YARS2: variants seen among roughly 807,000 people sequenced by gnomAD.
The protein encoded by YARS2 is tyrosine--tRNA ligase, mitochondrial.
A neutral mutation model predicts 45.0 loss-of-function variants in YARS2; 38 were observed. That is an observed-to-expected ratio of 0.84 (90% CI 0.65 to 1.11). The LOEUF (loss-of-function observed/expected upper bound fraction) is 1.11. Among genes scored for constraint, YARS2 ranks in the 50% least tolerant of loss-of-function variants. The pLI is 0.00. For missense variants in YARS2, 602 were observed against 599.8 expected (o/e 1.00, Z -0.04); for synonymous variants, 287 against 245.1 (o/e 1.17, Z -1.60).
chr12:32,749,909 T>C (rs1955705879), intron 4 of YARS2, 28 bp downstream of exon 4: 2 of 1,613,246 alleles, frequency 1.2e-6, no homozygotes, highest in African/African-American at 1.3e-5. Context: ...GTGAATTAAC[T>C]GTAAATCTAA....
At chr12:32,752,740 CA>C (rs56907654) in intron 2 of YARS2, 11,111 of 194,116 alleles carry the variant, frequency 0.057, 2 homozygotes, top group South Asian at 0.082. Context: ...GACACTGCCT[CA>C]AAAAAAAAAA....
At chr12:32,751,319 C>G (rs928076300) in intron 2 of YARS2, among the ~76,000 whole-genome samples, 1 of 152,048 alleles carries the variant, frequency 6.6e-6, no homozygotes. Flanking sequence ...CCTCTTGTCT[C>G]AGCCTCCCAA....
chr12:32,755,431 A>G lies in YARS2; in HGVS notation c.444T>C (p.Leu148=). 6 of 1,613,398 alleles carry G rather than the reference A, an allele frequency of 3.7e-6. No homozygotes were observed. Among genetic ancestry groups the G allele is most frequent in the Non-Finnish European group, 5.1e-6 (6 of 1,179,876 alleles). The part of the protein sequence containing the change: ...RANARALRLG[L]EALAANHQQL... ...GCTGGTGATTAGCCGCCAGGGCCTC[A>G]AGCCCTAGGCGCAGAGCTCGCGCGT... The change falls in exon 1 of 5, where the codon CTT becomes CTC. Residue 148 remains leucine, a synonymous_variant. Coordinates refer to ENST00000324868, the MANE Select transcript of YARS2 (RefSeq NM_001040436.3).
At position 32,753,062 on chromosome 12, in the gene YARS2, C is replaced by A. The variant is rs1464056405; in HGVS notation, c.947+856G>T. The stretch of plus-strand genomic sequence containing the variant: ...GGGTGCGGGGGCTCATGCTGTAATC[C>A]CAGCACTTTGGGAGTCTGAGGCAGG... On this transcript the variant is annotated intron_variant, in intron 2 of 4. Transcript: ENST00000324868. Among the ~76,000 whole-genome samples the A allele has an allele frequency of 2.0e-5, 3 of 152,126 alleles. No individual in the cohort carries two copies. In the East Asian group the frequency reaches 5.8e-4, roughly 29 times the overall value.
Position 32,755,452 on chromosome 12 carries a change from C to T in YARS2, c.423G>A (p.Ala141=), listed in dbSNP as rs781363481. 9 of 1,612,732 alleles carry T rather than the reference C, an allele frequency of 5.6e-6. No homozygotes were observed. The highest frequency in any genetic ancestry group is 2.2e-5 in the South Asian group (2 of 91,062). ...ALETERVRAN[A]RALRLGLEAL... ...CCTCAAGCCCTAGGCGCAGAGCTCGCGCGTTGGCTCGCACGCGCTCTGTCT... is the reference window on the plus strand; with the variant it reads ...CCTCAAGCCCTAGGCGCAGAGCTCGTGCGTTGGCTCGCACGCGCTCTGTCT... Residue 141 remains alanine, a synonymous_variant, in exon 1 of 5, where the codon GCG becomes GCA. Transcript: ENST00000324868.
Position 32,755,280 on chromosome 12 carries a change from G to C in YARS2, c.595C>G (p.Leu199Val). Residue 199 changes from leucine (L) to valine (V), a missense_variant, in exon 1 of 5, where the codon CTG (leucine) becomes GTG (valine). Coordinates refer to ENST00000324868, the MANE Select transcript of YARS2 (RefSeq NM_001040436.3). The stretch of plus-strand genomic sequence containing the variant: ...CGCAGCTGCACGCTCTGCCGGCTCA[G>C]CAGCGTCCCCATGCGGAAGTGACCC... ...VGGHFRMGTLLSRQSVQLRLK... is the reference protein window; with the variant it reads ...VGGHFRMGTLVSRQSVQLRLK... The C allele has an allele frequency of 6.2e-7, 1 of 1,614,164 alleles. No individual in the cohort carries two copies.
intron 3 of YARS2, 77 bp from the exon 4 acceptor site, chr12:32,750,184 T>C (rs756735477): frequency 3.1e-5 from 48 of 1,568,666 alleles, no homozygotes; most frequent in Admixed American, 7.0e-5. Flanking sequence ...TAACCAATTA[T>C]AGAGTGTCCA....
Position 32,747,121 on chromosome 12 carries a change from G to C in YARS2, c.*83C>G, listed in dbSNP as rs780666875. On this transcript the variant is annotated 3_prime_UTR_variant, in exon 5 of 5. Coordinates refer to ENST00000324868, the MANE Select transcript of YARS2 (RefSeq NM_001040436.3). ...GTTTTTCTGATTTGCATAAGCAAAG[G>C]TCTAAGTTCTGGAGCCAACCCTTCA... 9 of 1,450,946 alleles carry C rather than the reference G, an allele frequency of 6.2e-6. No individual in the cohort carries two copies. Among genetic ancestry groups the C allele is most frequent in the Non-Finnish European group, 8.6e-6 (9 of 1,044,528 alleles). 89.9% of individuals were successfully genotyped at this position (1,450,946 alleles called of 1,614,324 possible).
At chr12:32,749,012 C>A (rs991141041) in intron 4 of YARS2, among the ~76,000 whole-genome samples, 1 of 152,148 alleles carries the variant, frequency 6.6e-6, no homozygotes, top group Non-Finnish European at 1.5e-5. Context: ...CTCCTTAATA[C>A]CTCATAACTG....
intron 4 of YARS2, among the ~76,000 whole-genome samples, chr12:32,748,983 T>G (rs1955690291): frequency 6.6e-6 from 1 of 152,238 alleles, no homozygotes; most frequent in African/African-American, 2.4e-5. Context: ...GAATTATTTT[T>G]TGTGAAAAAC....
intron 4 of YARS2, among the ~76,000 whole-genome samples, chr12:32,748,805 A>G (rs1324999479): frequency 1.3e-5 from 2 of 152,140 alleles, no homozygotes; most frequent in African/African-American, 4.8e-5. Context: ...TTGAAAGAGA[A>G]CAACTATAAC....
In YARS2 at chr12:32,750,082, T is replaced by C; in HGVS notation, c.1129A>G (p.Ser377Gly). The part of the protein sequence containing the change: ...KRCTQALYHS[S>G]IDALEVMSDQ... ...GACATGACCTCCAGTGCATCTATGCTACTGTGATAAAGGGCTTGTGTACAC... is the reference window on the plus strand; with the variant it reads ...GACATGACCTCCAGTGCATCTATGCCACTGTGATAAAGGGCTTGTGTACAC... Residue 377 changes from serine (S) to glycine (G), a missense_variant, in exon 4 of 5, where the codon AGC becomes GGC. Physicochemically the swap from Ser to Gly is moderately conservative, Grantham distance 56 (BLOSUM62 0). Coordinates refer to ENST00000324868, the MANE Select transcript of YARS2 (RefSeq NM_001040436.3). 1 of 1,614,100 alleles carries C rather than the reference T, an allele frequency of 6.2e-7. No homozygotes were observed. The highest frequency in any genetic ancestry group is 2.2e-5 in the East Asian group (1 of 44,876).
chr12:32,750,902 C>A, intron 2 of YARS2, 28 bp from the exon 3 acceptor site: 2 of 1,612,190 alleles, frequency 1.2e-6, no homozygotes, highest in Non-Finnish European at 1.7e-6. Context: ...AAGAGTTACA[C>A]TTATATAACA....
chr12:32,747,380 T>C lies in YARS2; in HGVS notation c.1275-17A>G. On this transcript the variant is annotated splice_polypyrimidine_tract_variant and intron_variant, in intron 4 of 4. Transcript: ENST00000324868. ...ATTCGATACCTAAAAAATAGAAACG[T>C]TTAGTAAGTAGAGAGATCCAATCAC... 6.2e-7 allele frequency: 1 copy of C among 1,612,718 alleles called. No homozygotes were observed. Among genetic ancestry groups the C allele is most frequent in the Non-Finnish European group, 8.5e-7 (1 of 1,179,774 alleles).
At chr12:32,751,023 T>A in intron 2 of YARS2, 149 bp from the exon 3 acceptor site, 1 of 857,070 alleles carries the variant, frequency 1.2e-6, no homozygotes, top group South Asian at 1.7e-5. Flanking sequence ...CATGCACACA[T>A]CACCCAGATT....
In YARS2 at chr12:32,751,239, A is replaced by G. The variant is rs1011912947; in HGVS notation, c.948-365T>C. Among the ~76,000 whole-genome samples the G allele has an allele frequency of 5.3e-5, 8 of 150,978 alleles. No homozygotes were observed. The East Asian group carries it at 9.8e-4, about 18-fold the overall frequency. ...GTGCCACCACGCCTGGCTAATTTTT[A>G]TATTTTTTTTGTAAAGACGGGGTCT... On this transcript the variant is annotated intron_variant, in intron 2 of 4. Coordinates refer to ENST00000324868, the MANE Select transcript of YARS2 (RefSeq NM_001040436.3).
chr12:32,750,205 TAA>T, intron 3 of YARS2, 98 bp from the exon 4 acceptor site: 1 of 1,488,490 alleles, frequency 6.7e-7, no homozygotes, highest in Non-Finnish European at 9.1e-7. Context: ...AGTTCTAGAC[TAA>T]AAGTTTTTTT....
intron 1 of YARS2, among the ~76,000 whole-genome samples, chr12:32,754,595 CAAG>C (rs1468765431): frequency 6.6e-6 from 1 of 152,096 alleles, no homozygotes; most frequent in Non-Finnish European, 1.5e-5. Context: ...GCTAGCTACT[CAAG>C]GAGGCCCAGT....
intron 2 of YARS2, among the ~76,000 whole-genome samples, chr12:32,753,463 C>G (rs1191052811): frequency 2.0e-5 from 3 of 152,044 alleles, no homozygotes; most frequent in Non-Finnish European, 4.4e-5. Flanking sequence ...ATATTTTTTT[C>G]ACTTTTTGTT....
Sources: allele counts gnomAD v4.1 joint callset (sites outside exome capture counted in the v4.1 genomes callset), GRCh38; gene constraint gnomAD v4.1.1; transcripts MANE v1.5; gene names NCBI Gene and HGNC (gene_info 2026-07-23, HGNC 2026-07-21).